The following HERC2 variants were observed in gnomAD, a reference collection of about 807,000 sequenced individuals.
HERC2 encodes HECT and RLD domain containing E3 ubiquitin protein ligase 2.
In HERC2, 102 loss-of-function variants were observed where a neutral mutation model predicts 537.7. The ratio of observed to expected loss-of-function variants is 0.19; its 90% CI spans 0.16 to 0.22. The LOEUF is 0.22. Among genes scored for constraint, HERC2 ranks in the 10% least tolerant of loss-of-function variants. The pLI, the probability that HERC2 is intolerant of heterozygous loss-of-function variation, is 1.00. For missense variants in HERC2, 4,236 were observed against 6,198.2 expected (o/e 0.68, Z 10.63); for synonymous variants, 2,224 against 2,466.2 (o/e 0.90, Z 2.91).
At position 28,132,788 on chromosome 15, in the gene HERC2, A is replaced by G. The variant is rs770354502; in HGVS notation, c.12273T>C (p.Ile4091=). 6.2e-6 allele frequency: 10 copies of G among 1,600,066 alleles called. No homozygotes were observed. The highest frequency in any genetic ancestry group is 2.3e-5 in the East Asian group (1 of 43,534). The change falls in exon 80 of 93, where the codon ATT becomes ATC. Residue 4091 remains isoleucine, a synonymous_variant. Coordinates refer to ENST00000261609, the MANE Select transcript of HERC2 (RefSeq NM_004667.6). ...RPRVIESLRG[I]EVVDVAAGGA... ...CGCCAGCAGCAACATCGACCACTTC[A>G]ATTCCTCTCAGAGACTCGATGACAC...
At chr15:28,143,035 T>G in intron 74 of HERC2, 83 bp from the exon 75 acceptor site, 1 of 1,392,492 alleles carries the variant, frequency 7.2e-7, no homozygotes, top group Non-Finnish European at 9.9e-7. Context: ...TCAAATGTTT[T>G]ATTATGTTGG....
chr15:28,159,465 G>A (rs890182451), intron 69 of HERC2, among the ~76,000 whole-genome samples: 7 of 151,106 alleles, frequency 4.6e-5, no homozygotes, highest in Admixed American at 3.3e-4. Flanking sequence ...TAAACTTCTC[G>A]CTTCATTTCA....
At position 28,202,616 on chromosome 15, in the gene HERC2, T is replaced by TG. The variant is rs1431487677; in HGVS notation, c.7213-3dup. 1 of 559,122 alleles carries TG rather than the reference T, an allele frequency of 1.8e-6. No homozygotes were observed. Among genetic ancestry groups the TG allele is most frequent in the Non-Finnish European group, 3.0e-6 (1 of 331,000 alleles). The allele number at this position is 559,122 out of a possible 1,614,324, so 34.6% of individuals were successfully genotyped here. A position where few individuals can be genotyped will look rare whatever the true frequency, so the allele number is the denominator to read the frequency against. ...CTGGCAAACGGCCAGTGCAGCAGCC[T>TG]GGGCAGACAAGAGGGTCCTGGGAGA... On this transcript the variant is annotated splice_region_variant and splice_polypyrimidine_tract_variant and intron_variant, in intron 45 of 92. Coordinates refer to ENST00000261609, the MANE Select transcript of HERC2 (RefSeq NM_004667.6).
intron 4 of HERC2, among the ~76,000 whole-genome samples, chr15:28,287,738 T>G (rs920504105): frequency 8.4e-5 from 10 of 118,798 alleles, no homozygotes; most frequent in Admixed American, 2.9e-4. Flanking sequence ...TTTTTTTTTT[T>G]GGTTTGAGAT....
At chr15:28,204,681 A>C (rs1004702543) in intron 45 of HERC2, among the ~76,000 whole-genome samples, 1 of 152,016 alleles carries the variant, frequency 6.6e-6, no homozygotes, top group African/African-American at 2.4e-5. Context: ...GAGATATAAA[A>C]CTATTAAATG....
chr15:28,113,447 G>A lies in HERC2; in HGVS notation c.14019+126C>T, dbSNP rs960238218. The stretch of plus-strand genomic sequence containing the variant: ...GCCTCCTGCAGGCGGGTGGAGGGAC[G>A]CGCTCAGAGTGCACTCCCTTCAGTC... On this transcript the variant is annotated intron_variant, in intron 91 of 92. Coordinates refer to ENST00000261609, the MANE Select transcript of HERC2 (RefSeq NM_004667.6). The surrounding 1 kb of genome is among the most constrained non-coding windows in gnomAD (Gnocchi z 7.0). 39 of 1,053,726 alleles carry A rather than the reference G, an allele frequency of 3.7e-5. No individual in the cohort carries two copies. Among genetic ancestry groups the A allele is most frequent in the Admixed American group, 1.4e-4 (7 of 49,772 alleles). The allele number at this position is 1,053,726 out of a possible 1,614,324, so 65.3% of individuals were successfully genotyped here.
intron 74 of HERC2, 76 bp downstream of exon 74, chr15:28,143,797 G>A: frequency 1.3e-6 from 2 of 1,571,206 alleles, no homozygotes; most frequent in South Asian, 2.3e-5. Context: ...CAACGATTTA[G>A]AGGTTTAGAC....
intron 44 of HERC2, among the ~76,000 whole-genome samples, chr15:28,210,566 T>G (rs1223859064): frequency 6.6e-6 from 1 of 152,186 alleles, no homozygotes; most frequent in Admixed American, 6.5e-5. Flanking sequence ...CAGACGCCCA[T>G]TAGATGGCTA....
intron 69 of HERC2, among the ~76,000 whole-genome samples, chr15:28,162,198 C>T (rs965169849): frequency 4.6e-5 from 7 of 152,142 alleles, no homozygotes; most frequent in Non-Finnish European, 1.0e-4. Context: ...GGCATCGTGG[C>T]GCATGCCTGT....
At chr15:28,120,845 C>T (rs868070446) in intron 86 of HERC2, among the ~76,000 whole-genome samples, 1 of 152,212 alleles carries the variant, frequency 6.6e-6, no homozygotes, top group Non-Finnish European at 1.5e-5. Context: ...GCACGGCCCC[C>T]CAGCACCATC....
rs1206834003 is a variant in HERC2, at chr15:28,277,178, TG to T, written c.543-2174del. Reference sequence around the variant, plus strand: ...GATGAGTGGTTGCCAGCAGTTAAGGTGGGGAGAGAAGACGTGAATGTGGGTA... The same window carrying T: ...GATGAGTGGTTGCCAGCAGTTAAGGTGGGAGAGAAGACGTGAATGTGGGTA... On this transcript the variant is annotated intron_variant, in intron 5 of 92. Coordinates refer to ENST00000261609, the MANE Select transcript of HERC2 (RefSeq NM_004667.6). 2.6e-5 allele frequency among the ~76,000 whole-genome samples: 4 copies of T among 152,012 alleles called. No homozygotes were observed. The South Asian group carries it at 8.3e-4, about 32-fold the overall frequency.
chr15:28,172,084 A>C (rs1045839203), intron 65 of HERC2, among the ~76,000 whole-genome samples: 16 of 152,020 alleles, frequency 1.1e-4, no homozygotes, highest in African/African-American at 3.1e-4. Context: ...AAAAAAAAAA[A>C]AAAAAACCTA....
chr15:28,162,515 G>A (rs927185487), intron 69 of HERC2, among the ~76,000 whole-genome samples: 4 of 151,932 alleles, frequency 2.6e-5, no homozygotes, highest in Admixed American at 6.6e-5. Context: ...AAACTGGGGT[G>A]GAAACTGTAA....
intron 70 of HERC2, among the ~76,000 whole-genome samples, chr15:28,149,973 C>G (rs186189888): frequency 1.3e-5 from 2 of 151,998 alleles, no homozygotes; most frequent in Admixed American, 1.3e-4. Flanking sequence ...GGCTCCTAAC[C>G]GAGAACATCA....
chr15:28,115,701 C>T (rs1888152876), intron 88 of HERC2, among the ~76,000 whole-genome samples, 160 bp from the exon 89 acceptor site: 1 of 151,116 alleles, frequency 6.6e-6, no homozygotes, highest in Non-Finnish European at 1.5e-5. Context: ...CTCAAGACCG[C>T]CTGTCCTGCT....
rs771392120 is a variant in HERC2, at chr15:28,214,252, T to C, written c.6379A>G (p.Arg2127Gly). The part of the protein sequence containing the change: ...LLRESTLRRR[R>G]VRPQASLTAT... The stretch of plus-strand genomic sequence containing the variant: ...GTCAGCGAGGCCTGCGGGCGCACCC[T>C]GCGCCGCCTCAGCGTGGACTCTGAG... Residue 2127 changes from arginine (R) to glycine (G), a missense_variant, in exon 41 of 93, where the codon AGG becomes GGG. By Grantham distance (125) the Arg-to-Gly change is moderately radical. This residue lies in a region of HERC2 where 365 missense variants were observed against 468.8 expected (regional missense o/e 0.78). Transcript: ENST00000261609. 13 of 1,611,552 alleles carry C rather than the reference T, an allele frequency of 8.1e-6. No homozygotes were observed. The Middle Eastern group carries it at 6.8e-4, about 84-fold the overall frequency.
At chr15:28,175,171 T>C (rs1279006161) in intron 64 of HERC2, among the ~76,000 whole-genome samples, 2 of 152,016 alleles carry the variant, frequency 1.3e-5, no homozygotes, top group African/African-American at 4.8e-5. Flanking sequence ...AAATGAGGCA[T>C]GGATCCCTCC....
intron 2 of HERC2, among the ~76,000 whole-genome samples, chr15:28,299,802 A>G (rs554677760): frequency 6.6e-6 from 1 of 152,294 alleles, no homozygotes; most frequent in African/African-American, 2.4e-5. Flanking sequence ...TTGTCATCCC[A>G]GCACTTTGGG....
chr15:28,272,233 G>A lies in HERC2; in HGVS notation c.1065C>T (p.His355=), dbSNP rs1294281576. 1 of 1,605,586 alleles carries A rather than the reference G, an allele frequency of 6.2e-7. No individual in the cohort carries two copies. The highest frequency in any genetic ancestry group is 1.3e-5 in the African/African-American group (1 of 74,626). ...QSIICRKDAP[H]SEGDMHLLSG... ...CACTCACGTGCATGTCGCCCTCGGA[G>A]TGGGGTGCATCCTTCCTGCAAATGA... is the stretch of plus-strand genomic sequence containing the variant. The change falls in exon 9 of 93, where the codon CAC becomes CAT. Residue 355 remains histidine, a synonymous_variant. Coordinates refer to ENST00000261609, the MANE Select transcript of HERC2 (RefSeq NM_004667.6).
Sources: allele counts gnomAD v4.1 joint callset (sites outside exome capture counted in the v4.1 genomes callset), GRCh38; gene constraint gnomAD v4.1.1; regional missense constraint gnomAD v4.1.1; non-coding constraint Gnocchi (gnomAD v3.1); transcripts MANE v1.5; gene names NCBI Gene and HGNC (gene_info 2026-07-23, HGNC 2026-07-21).